MPHOSPH10: variants seen among roughly 807,000 people sequenced by gnomAD.
MPHOSPH10 encodes the protein U3 small nucleolar ribonucleoprotein MPP10.
MPHOSPH10 carries 33 observed loss-of-function variants against 77.3 expected under a neutral mutation model. That is an observed-to-expected ratio of 0.43 (90% CI 0.32 to 0.57). The LOEUF (loss-of-function observed/expected upper bound fraction) is 0.57, where lower values mean the gene tolerates loss of function less well. MPHOSPH10 is among the 20% of genes least tolerant of loss of function. The pLI is 0.07. For missense variants in MPHOSPH10, 708 were observed against 780.1 expected (o/e 0.91, Z 1.10); for synonymous variants, 245 against 268.0 (o/e 0.91, Z 0.84).
intron 4 of MPHOSPH10, among the ~76,000 whole-genome samples, chr2:71,136,848 CTTTT>C (rs60456435): frequency 1.7e-5 from 2 of 118,638 alleles, no homozygotes; most frequent in Non-Finnish European, 1.7e-5. Flanking sequence ...AACTTTCAAC[CTTTT>C]TTTTTTTTTT....
chr2:71,142,882 T>C (rs79823429), intron 7 of MPHOSPH10, among the ~76,000 whole-genome samples: 1,797 of 152,308 alleles, frequency 0.012, 14 homozygotes, highest in Non-Finnish European at 0.02. Context: ...TTTCTTTTTT[T>C]CATGTCTTAA....
chr2:71,133,130 C>T lies in MPHOSPH10; in HGVS notation c.322C>T (p.Pro108Ser), dbSNP rs1461015351. 1 of 1,613,952 alleles carries T rather than the reference C, an allele frequency of 6.2e-7. No homozygotes were observed. Among genetic ancestry groups the T allele is most frequent in the Admixed American group, 1.7e-5 (1 of 59,986 alleles). The part of the protein sequence containing the change: ...TINDEDISLL[P>S]ESEEQEREED... Reference sequence around the variant, plus strand: ...TAATGATGAAGATATCAGTCTTCTCCCAGAGAGTGAAGAACAGGAACGTGA... The same window carrying T: ...TAATGATGAAGATATCAGTCTTCTCTCAGAGAGTGAAGAACAGGAACGTGA... Residue 108 changes from proline (P) to serine (S), a missense_variant, in exon 2 of 11, where the codon CCA (proline) becomes TCA (serine). Transcript: ENST00000244230.
chr2:71,140,309 C>T (rs72905528), intron 6 of MPHOSPH10, among the ~76,000 whole-genome samples: 4 of 152,108 alleles, frequency 2.6e-5, no homozygotes, highest in Non-Finnish European at 5.9e-5. Context: ...GGTCGAGGGG[C>T]CTTCTTACCA....
At position 71,143,408 on chromosome 2, in the gene MPHOSPH10, A is replaced by C. The variant is rs1390172418; in HGVS notation, c.1447-1020A>C. Among the ~76,000 whole-genome samples the C allele has an allele frequency of 2.6e-5, 4 of 152,134 alleles. No homozygotes were observed. The East Asian group carries it at 5.8e-4, about 22-fold the overall frequency. On this transcript the variant is annotated intron_variant, in intron 7 of 10. Coordinates refer to ENST00000244230, the MANE Select transcript of MPHOSPH10 (RefSeq NM_005791.3). ...GGCCTCCCAAAGTGCTGGGATTACA[A>C]GCATGAGCCACCGCGCCCAGCCAGC... is the stretch of plus-strand genomic sequence containing the variant.
At position 71,132,925 on chromosome 2, in the gene MPHOSPH10, C is replaced by T. The variant is rs765298474; in HGVS notation, c.117C>T (p.Phe39=). Residue 39 remains phenylalanine (F), a synonymous_variant, in exon 2 of 11, where the codon TTC becomes TTT. Transcript: ENST00000244230. ...TTCAAGAGGGATTGGCATCAAAGTTCACTTCTTTAACAAAAGTGCTTTATG... is the reference window on the plus strand; with the variant it reads ...TTCAAGAGGGATTGGCATCAAAGTTTACTTCTTTAACAAAAGTGCTTTATG... The part of the protein sequence containing the change: ...LTIQEGLASK[F]TSLTKVLYDF... 9.9e-6 allele frequency: 16 copies of T among 1,610,442 alleles called. No individual in the cohort carries two copies. Among genetic ancestry groups the T allele is most frequent in the Non-Finnish European group, 1.4e-5 (16 of 1,177,844 alleles).
chr2:71,149,976 G>A lies in MPHOSPH10; in HGVS notation c.2007G>A (p.Lys669=). The part of the protein sequence containing the change: ...NDAKKTEKKK[K]KRQDISVHKL... Reference sequence around the variant, plus strand: ...CAAAGAAAACAGAAAAGAAAAAGAAGAAAAGACAGGATATTTCTGTTCATA... The same window carrying A: ...CAAAGAAAACAGAAAAGAAAAAGAAAAAAAGACAGGATATTTCTGTTCATA... The change falls in exon 11 of 11, where the codon AAG becomes AAA. Residue 669 remains lysine, a synonymous_variant. Transcript: ENST00000244230. 6.9e-7 allele frequency: 1 copy of A among 1,458,958 alleles called. No individual in the cohort carries two copies. Among genetic ancestry groups the A allele is most frequent in the Non-Finnish European group, 9.4e-7 (1 of 1,069,412 alleles). 90.4% of individuals were successfully genotyped at this position (1,458,958 alleles called of 1,614,324 possible). A position where few individuals can be genotyped will look rare whatever the true frequency, so the allele number is the denominator to read the frequency against.
At chr2:71,143,035 T>G (rs1415446388) in intron 7 of MPHOSPH10, among the ~76,000 whole-genome samples, 6 of 152,178 alleles carry the variant, frequency 3.9e-5, no homozygotes, top group African/African-American at 1.4e-4. Flanking sequence ...TTTGTGAGAA[T>G]AAATCTTTAA....
intron 8 of MPHOSPH10, among the ~76,000 whole-genome samples, chr2:71,147,684 A>G (rs117850845): frequency 0.01 from 1,539 of 152,114 alleles, 67 homozygotes; most frequent in East Asian, 0.087. Context: ...AAAGAAAAAA[A>G]AAAAGAAAAA....
Position 71,141,476 on chromosome 2 carries a change from G to A in MPHOSPH10, c.1446+107G>A, listed in dbSNP as rs1378187813. ...TGAAACAGAAATCTTGAGCTCTTTG[G>A]CTACCTCATGTAAGTATGAGACAGA... On this transcript the variant is annotated intron_variant, in intron 7 of 10. Coordinates refer to ENST00000244230, the MANE Select transcript of MPHOSPH10 (RefSeq NM_005791.3). The A allele has an allele frequency of 5.4e-6, 5 of 918,860 alleles. No individual in the cohort carries two copies. The Admixed American group carries it at 9.4e-5, about 17-fold the overall frequency. 56.9% of individuals were successfully genotyped at this position (918,860 alleles called of 1,614,324 possible).
chr2:71,140,275 A>G (rs953083163), intron 6 of MPHOSPH10, among the ~76,000 whole-genome samples: 5 of 152,144 alleles, frequency 3.3e-5, no homozygotes, highest in Middle Eastern at 3.2e-3. Context: ...AAAGGAATAC[A>G]GTTATGGAGG....
chr2:71,141,559 G>A (rs1285766876), intron 7 of MPHOSPH10, among the ~76,000 whole-genome samples, 190 bp downstream of exon 7: 1 of 152,146 alleles, frequency 6.6e-6, no homozygotes, highest in Non-Finnish European at 1.5e-5. Context: ...GTTGAGGGGG[G>A]TTGCTTTGCA....
At chr2:71,132,812 A>G (rs1673413262) in intron 1 of MPHOSPH10, 86 bp from the exon 2 acceptor site, 6 of 1,455,252 alleles carry the variant, frequency 4.1e-6, no homozygotes, top group South Asian at 1.4e-5. Context: ...TTATTTTACA[A>G]AAGAGTTGGG....
Position 71,149,373 on chromosome 2 carries a change from C to T in MPHOSPH10, c.1816C>T (p.Gln606Ter), listed in dbSNP as rs765762366. The T allele has an allele frequency of 6.2e-7, 1 of 1,613,868 alleles. No individual in the cohort carries two copies. Among genetic ancestry groups the T allele is most frequent in the Non-Finnish European group, 8.5e-7 (1 of 1,179,912 alleles). The change falls in exon 10 of 11, where the codon CAA becomes TAA. Residue 606 changes from glutamine to a stop codon, truncating the protein, a stop_gained. Coordinates refer to ENST00000244230, the MANE Select transcript of MPHOSPH10 (RefSeq NM_005791.3). LOFTEE classifies it high-confidence loss of function. ...ACTGCTTGAAAAGAGCAGTGTAGAT[C>T]AAGCAGGGAAATACAGCAAAACAGT... ...RKLLEKSSVD[Q>*]AGKYSKTVAS...
rs776519742 is a variant in MPHOSPH10, at chr2:71,143,146, C to CT, written c.1447-1268dup. Among the ~76,000 whole-genome samples the CT allele has an allele frequency of 8.2e-3, 1,156 of 140,836 alleles. 4 individuals carry two copies. The highest frequency in any genetic ancestry group is 0.02 in the African/African-American group (758 of 38,682). 92.4% of individuals were successfully genotyped at this position (140,836 alleles called of 152,430 possible). A position where few individuals can be genotyped will look rare whatever the true frequency, so the allele number is the denominator to read the frequency against. On this transcript the variant is annotated intron_variant, in intron 7 of 10. Coordinates refer to ENST00000244230, the MANE Select transcript of MPHOSPH10 (RefSeq NM_005791.3). Reference sequence around the variant, plus strand: ...TATTAACACTTTACTTCTTTTTTTTCTTTTTTTTTTTTTTGAGACGGAGTC... The same window carrying CT: ...TATTAACACTTTACTTCTTTTTTTTCTTTTTTTTTTTTTTTGAGACGGAGTC...
chr2:71,133,982 A>T lies in MPHOSPH10; in HGVS notation c.803A>T (p.Asp268Val). 6.3e-7 allele frequency: 1 copy of T among 1,588,860 alleles called. No individual in the cohort carries two copies. Among genetic ancestry groups the T allele is most frequent in the Non-Finnish European group, 8.6e-7 (1 of 1,167,654 alleles). Reference sequence around the variant, plus strand: ...AGTTCCAGAAATCTGAAATACAAAGATTTTTTTGATCCAGTTGAAAGTGAT... The same window carrying T: ...AGTTCCAGAAATCTGAAATACAAAGTTTTTTTTGATCCAGTTGAAAGTGAT... ...GKSSRNLKYK[D>V]FFDPVESDED... The change falls in exon 3 of 11, where the codon GAT (aspartate) becomes GTT (valine). Residue 268 changes from aspartate (D) to valine (V), a missense_variant. Asp to Val is a radical substitution (Grantham distance 152, BLOSUM62 -3). This residue lies in a region of MPHOSPH10 where 433 missense variants were observed against 432.6 expected (regional missense o/e 1.00). Coordinates refer to ENST00000244230, the MANE Select transcript of MPHOSPH10 (RefSeq NM_005791.3).
chr2:71,150,033 G>C lies in MPHOSPH10; in HGVS notation c.*18G>C, dbSNP rs1673794927. The C allele has an allele frequency of 8.5e-7, 1 of 1,170,024 alleles. No homozygotes were observed. 72.5% of individuals were successfully genotyped at this position (1,170,024 alleles called of 1,614,324 possible). ...AGCTGTAATATATTTTGAATATAAT[G>C]TAAATATTAATGTGTAAGCTTATAT... On this transcript the variant is annotated 3_prime_UTR_variant, in exon 11 of 11. Coordinates refer to ENST00000244230, the MANE Select transcript of MPHOSPH10 (RefSeq NM_005791.3).
At chr2:71,141,417 T>A in intron 7 of MPHOSPH10, 48 bp downstream of exon 7, 1 of 1,390,948 alleles carries the variant, frequency 7.2e-7, no homozygotes, top group South Asian at 1.8e-5. Flanking sequence ...GAAATAGAAG[T>A]AGAGAACTAG....
intron 9 of MPHOSPH10, 93 bp from the exon 10 acceptor site, chr2:71,149,130 C>A (rs1673769407): frequency 1.7e-6 from 2 of 1,165,654 alleles, no homozygotes; most frequent in Admixed American, 5.2e-5. Flanking sequence ...AGATGCACAG[C>A]CTGCTTGCTG....
At chr2:71,139,093 T>A (rs753186021) in intron 5 of MPHOSPH10, 1 of 287,092 alleles carries the variant, frequency 3.5e-6, no homozygotes, top group Non-Finnish European at 6.7e-6. Flanking sequence ...AATACTACAG[T>A]GAACACCTAT....
Sources: allele counts gnomAD v4.1 joint callset (sites outside exome capture counted in the v4.1 genomes callset), GRCh38; gene constraint gnomAD v4.1.1; regional missense constraint gnomAD v4.1.1; transcripts MANE v1.5; gene names NCBI Gene and HGNC (gene_info 2026-07-23, HGNC 2026-07-21).